ST18: variants seen among roughly 807,000 people sequenced by gnomAD.
ST18 encodes the protein ST18 C2H2C-type zinc finger transcription factor.
ST18 carries 50 observed loss-of-function variants against 110.0 expected under a neutral mutation model. That is an observed-to-expected ratio of 0.45 (90% CI 0.36 to 0.58). The LOEUF is 0.58. ST18 is among the 20% of genes least tolerant of loss of function. ST18 has a pLI of 0.00. For synonymous variants in ST18, 461 were observed against 452.4 expected (o/e 1.02, Z -0.24); for missense variants, 1,306 against 1,280.1 (o/e 1.02, Z -0.31).
In ST18 at chr8:52,113,235, T is replaced by C. The variant is rs1265418057; in HGVS notation, c.3107A>G (p.Glu1036Gly). The change falls in exon 26 of 26, where the codon GAA becomes GGA. Residue 1036 changes from glutamate to glycine, a missense_variant. Transcript: ENST00000689386. ...ACCCTTCACTGCCTGTTTGATACTT[T>C]CCAGTAGAGCTTTGCATTCCGGGGA... Reference protein sequence around the residue: ...DYSPECKALLESIKQAVKGIH... With the variant: ...DYSPECKALLGSIKQAVKGIH... 2.5e-6 allele frequency: 4 copies of C among 1,614,030 alleles called. No individual in the cohort carries two copies. The African/African-American group carries it at 5.3e-5, about 22-fold the overall frequency.
chr8:52,203,306 G>A (rs189089278), intron 8 of ST18, among the ~76,000 whole-genome samples: 9 of 152,250 alleles, frequency 5.9e-5, no homozygotes, highest in African/African-American at 1.7e-4. Flanking sequence ...GCTAATCAGG[G>A]AAACAGCCCC....
chr8:52,177,279 T>C (rs2067294734), intron 9 of ST18, among the ~76,000 whole-genome samples: 2 of 152,236 alleles, frequency 1.3e-5, no homozygotes, highest in African/African-American at 2.4e-5. Flanking sequence ...CTGTATCTTT[T>C]TGAAAGACAG....
intron 2 of ST18, among the ~76,000 whole-genome samples, chr8:52,391,080 C>T (rs538385397): frequency 6.6e-6 from 1 of 152,270 alleles, no homozygotes; most frequent in South Asian, 2.1e-4. Context: ...ATTGTGCACT[C>T]GGCAAAGTTT....
intron 2 of ST18, among the ~76,000 whole-genome samples, chr8:52,348,558 A>G (rs1818777821): frequency 6.6e-6 from 1 of 152,214 alleles, no homozygotes; most frequent in Non-Finnish European, 1.5e-5. Flanking sequence ...CAGCCTGGCC[A>G]ACATGGTGAA....
chr8:52,253,625 A>G (rs1036820213), intron 2 of ST18, among the ~76,000 whole-genome samples: 1 of 152,218 alleles, frequency 6.6e-6, no homozygotes, highest in Admixed American at 6.5e-5. Flanking sequence ...AAGCATACAT[A>G]AAACATCTTT....
At chr8:52,188,307 T>G (rs950811199) in intron 8 of ST18, among the ~76,000 whole-genome samples, 1 of 151,966 alleles carries the variant, frequency 6.6e-6, no homozygotes, top group East Asian at 1.9e-4. Context: ...AAGACTGAAT[T>G]TTAGTAAAGA....
intron 2 of ST18, among the ~76,000 whole-genome samples, chr8:52,248,843 G>C (rs1245044734): frequency 6.6e-6 from 1 of 152,148 alleles, no homozygotes; most frequent in Non-Finnish European, 1.5e-5. Flanking sequence ...TGTTGTGCTT[G>C]ATTGGTTGGT....
intron 2 of ST18, among the ~76,000 whole-genome samples, chr8:52,384,729 T>C (rs979536625): frequency 1.3e-5 from 2 of 152,178 alleles, no homozygotes; most frequent in African/African-American, 4.8e-5. Context: ...TTCCCATGTG[T>C]CATTCTAATT....
chr8:52,273,710 T>C (rs1241738677), intron 2 of ST18, among the ~76,000 whole-genome samples: 1 of 152,218 alleles, frequency 6.6e-6, no homozygotes, highest in African/African-American at 2.4e-5. Flanking sequence ...AGTTGGTCTA[T>C]TTGCATTTTG....
intron 2 of ST18, among the ~76,000 whole-genome samples, chr8:52,321,523 G>A (rs1803902937): frequency 6.6e-6 from 1 of 152,112 alleles, no homozygotes. Flanking sequence ...CAATGTTTTT[G>A]TTATTTTGTT....
intron 8 of ST18, among the ~76,000 whole-genome samples, chr8:52,192,615 G>T (rs2074916669): frequency 6.6e-6 from 1 of 152,124 alleles, no homozygotes; most frequent in African/African-American, 2.4e-5. Flanking sequence ...GAGGCATCAT[G>T]CCAAATAAAA....
chr8:52,111,972 CTGTGTGTGAGTATGCCTG>C lies in ST18; in HGVS notation c.*1208_*1225del, dbSNP rs1201284713. On this transcript the variant is annotated 3_prime_UTR_variant, in exon 26 of 26. Coordinates refer to ENST00000689386, the MANE Select transcript of ST18 (RefSeq NM_001352837.2). ...TCTGTGTGTGTGTGTGTGTGTGTGTCTGTGTGTGAGTATGCCTGTGTGTGTGAGTGTGTGTGTATATTT... is the reference window on the plus strand; with the variant it reads ...TCTGTGTGTGTGTGTGTGTGTGTGTCTGTGTGTGAGTGTGTGTGTATATTT... 6.7e-6 allele frequency: 1 copy of C among 149,320 alleles called. No individual in the cohort carries two copies. The highest frequency in any genetic ancestry group is 1.5e-5 in the Non-Finnish European group (1 of 66,828). 9.2% of individuals were successfully genotyped at this position (149,320 alleles called of 1,614,324 possible).
intron 2 of ST18, among the ~76,000 whole-genome samples, chr8:52,257,019 G>A (rs1395124339): frequency 1.3e-5 from 2 of 151,992 alleles, no homozygotes; most frequent in African/African-American, 4.8e-5. Context: ...TTGTAAATTT[G>A]CCAATTTTGG....
intron 2 of ST18, among the ~76,000 whole-genome samples, chr8:52,324,777 A>G (rs1384230360): frequency 6.6e-6 from 1 of 152,210 alleles, no homozygotes; most frequent in Non-Finnish European, 1.5e-5. Context: ...GATATTCATT[A>G]CCTCATTTAA....
chr8:52,358,585 C>G (rs1280850163), intron 2 of ST18, among the ~76,000 whole-genome samples: 1 of 151,716 alleles, frequency 6.6e-6, no homozygotes, highest in East Asian at 1.9e-4. Context: ...TACTAACAAA[C>G]TAGATAACCT....
At chr8:52,243,112 C>T (rs2093574047) in intron 2 of ST18, among the ~76,000 whole-genome samples, 1 of 152,116 alleles carries the variant, frequency 6.6e-6, no homozygotes, top group Non-Finnish European at 1.5e-5. Flanking sequence ...CTGTGATTCT[C>T]AGAACAGTCT....
At chr8:52,372,364 A>C (rs984129594) in intron 2 of ST18, among the ~76,000 whole-genome samples, 5 of 152,248 alleles carry the variant, frequency 3.3e-5, no homozygotes, top group African/African-American at 1.2e-4. Context: ...AAAAGTTAAA[A>C]GTTTATAAAG....
At chr8:52,262,041 C>T (rs187616542) in intron 2 of ST18, among the ~76,000 whole-genome samples, 261 of 152,270 alleles carry the variant, frequency 1.7e-3, no homozygotes, top group African/African-American at 5.6e-3. Context: ...AGTCCAAGAG[C>T]GTGGCACCAG....
chr8:52,182,894 AT>A (rs1433306016), intron 8 of ST18, among the ~76,000 whole-genome samples: 1 of 152,146 alleles, frequency 6.6e-6, no homozygotes, highest in Non-Finnish European at 1.5e-5. Flanking sequence ...TAATAAAAAA[AT>A]TGGTCATTAA....
Sources: allele counts gnomAD v4.1 joint callset (sites outside exome capture counted in the v4.1 genomes callset), GRCh38; gene constraint gnomAD v4.1.1; transcripts MANE v1.5; gene names NCBI Gene and HGNC (gene_info 2026-07-23, HGNC 2026-07-21).